ADCK1: variants seen among roughly 807,000 people sequenced by gnomAD.
ADCK1 encodes the protein aarF domain-containing protein kinase 1.
ADCK1 carries 41 observed loss-of-function variants against 52.3 expected under a neutral mutation model. The observed-to-expected ratio is 0.78, with a 90% CI of 0.61 to 1.02. The LOEUF is 1.02. Among genes scored for constraint, ADCK1 ranks in the 50% least tolerant of loss-of-function variants. The probability of loss-of-function intolerance (pLI) is 0.00; values close to 1 mark genes in which losing one functional copy is unlikely to be tolerated. For synonymous variants in ADCK1, 250 were observed against 274.6 expected, an observed-to-expected ratio of 0.91 and a Z score of 0.89; for missense variants, 658 against 679.5, an observed-to-expected ratio of 0.97 and a Z score of 0.35.
At chr14:77,926,021 C>G (rs1437151588) in intron 9 of ADCK1, 60 bp downstream of exon 9, 3 of 1,591,410 alleles carry the variant, frequency 1.9e-6, no homozygotes, top group African/African-American at 2.7e-5. Flanking sequence ...CTAGAGGTGG[C>G]CTGTGGACCC....
At chr14:77,926,017 G>A (rs1321218791) in intron 9 of ADCK1, 56 bp downstream of exon 9, 15 of 1,603,260 alleles carry the variant, frequency 9.4e-6, no homozygotes, top group Non-Finnish European at 1.3e-5. Context: ...AGGGCTAGAG[G>A]TGGCCTGTGG....
chr14:77,853,553 A>T (rs1391559862), intron 3 of ADCK1, among the ~76,000 whole-genome samples: 1 of 152,128 alleles, frequency 6.6e-6, no homozygotes, highest in African/African-American at 2.4e-5. Flanking sequence ...TTAGATGGGA[A>T]TGGAACAGTA....
At chr14:77,846,461 T>C (rs538126029) in intron 3 of ADCK1, among the ~76,000 whole-genome samples, 33 of 152,220 alleles carry the variant, frequency 2.2e-4, no homozygotes, top group Middle Eastern at 3.4e-3. Context: ...CCAGGCCTGG[T>C]GTGATGGGGC....
At chr14:77,829,878 T>C (rs1442504081) in intron 3 of ADCK1, among the ~76,000 whole-genome samples, 1 of 151,242 alleles carries the variant, frequency 6.6e-6, no homozygotes, top group Non-Finnish European at 1.5e-5. Context: ...TGGAAACATG[T>C]AGCCTTGGGG....
At chr14:77,930,630 T>TA (rs2084306569) in intron 9 of ADCK1, among the ~76,000 whole-genome samples, 1 of 152,188 alleles carries the variant, frequency 6.6e-6, no homozygotes, top group Non-Finnish European at 1.5e-5. Context: ...TCTCACCACT[T>TA]ACTAGCACTT....
At chr14:77,861,155 A>G (rs1191077383) in intron 4 of ADCK1, among the ~76,000 whole-genome samples, 3 of 152,180 alleles carry the variant, frequency 2.0e-5, no homozygotes, top group East Asian at 3.9e-4. Flanking sequence ...TGCCCCCACA[A>G]TGCTTCTTTA....
chr14:77,898,950 C>T, intron 5 of ADCK1, 150 bp from the exon 6 acceptor site: 1 of 1,013,012 alleles, frequency 9.9e-7, no homozygotes, highest in South Asian at 1.6e-5. Flanking sequence ...AGAGCAGGAG[C>T]CTACTATGTT....
At chr14:77,912,650 G>T (rs553632474) in intron 7 of ADCK1, among the ~76,000 whole-genome samples, 2 of 152,082 alleles carry the variant, frequency 1.3e-5, no homozygotes, top group Non-Finnish European at 2.9e-5. Context: ...AGTGACAGGG[G>T]CGAAAGTCTT....
intron 4 of ADCK1, among the ~76,000 whole-genome samples, chr14:77,874,134 A>G (rs1298661481): frequency 6.6e-6 from 1 of 152,188 alleles, no homozygotes; most frequent in Non-Finnish European, 1.5e-5. Flanking sequence ...CTCTTTCCAC[A>G]GTGGTACAAA....
At chr14:77,823,364 C>T (rs2081621818) in intron 3 of ADCK1, among the ~76,000 whole-genome samples, 2 of 152,104 alleles carry the variant, frequency 1.3e-5, no homozygotes, top group Admixed American at 6.6e-5. Flanking sequence ...TCAAGCTCTC[C>T]TCTGTGATGC....
chr14:77,890,085 G>A (rs2083252647), intron 5 of ADCK1, among the ~76,000 whole-genome samples: 1 of 152,220 alleles, frequency 6.6e-6, no homozygotes, highest in Non-Finnish European at 1.5e-5. Context: ...CACTATATTA[G>A]TTATCTAATG....
intron 3 of ADCK1, among the ~76,000 whole-genome samples, chr14:77,827,130 G>C (rs1188838451): frequency 6.6e-6 from 1 of 151,562 alleles, no homozygotes; most frequent in Non-Finnish European, 1.5e-5. Flanking sequence ...GAGGTGGGTG[G>C]ATCACGAGGT....
At chr14:77,854,863 T>C (rs1022346362) in intron 3 of ADCK1, among the ~76,000 whole-genome samples, 7 of 152,178 alleles carry the variant, frequency 4.6e-5, no homozygotes, top group African/African-American at 1.7e-4. Flanking sequence ...CACAGGAGTG[T>C]GCTTTTCATA....
At chr14:77,838,689 C>T (rs1313420694) in intron 3 of ADCK1, among the ~76,000 whole-genome samples, 2 of 152,230 alleles carry the variant, frequency 1.3e-5, no homozygotes, top group Non-Finnish European at 1.5e-5. Flanking sequence ...TGAGCCACTG[C>T]ACCTGCTCCC....
At chr14:77,924,951 G>A (rs2084153358) in intron 8 of ADCK1, among the ~76,000 whole-genome samples, 1 of 152,242 alleles carries the variant, frequency 6.6e-6, no homozygotes, top group African/African-American at 2.4e-5. Flanking sequence ...TACGGGGAAG[G>A]AGTAACTACA....
chr14:77,825,518 A>G (rs564271153), intron 3 of ADCK1, among the ~76,000 whole-genome samples: 182 of 152,258 alleles, frequency 1.2e-3, no homozygotes, highest in Non-Finnish European at 1.8e-3. Context: ...CCTACAAGGT[A>G]TGTTCCATGA....
At chr14:77,890,608 G>A (rs1455156972) in intron 5 of ADCK1, among the ~76,000 whole-genome samples, 1 of 152,166 alleles carries the variant, frequency 6.6e-6, no homozygotes, top group South Asian at 2.1e-4. Context: ...CAGCCGTTTT[G>A]GAAAACATAG....
At chr14:77,866,710 G>A (rs2082668433) in intron 4 of ADCK1, among the ~76,000 whole-genome samples, 1 of 152,128 alleles carries the variant, frequency 6.6e-6, no homozygotes, top group Non-Finnish European at 1.5e-5. Flanking sequence ...TGGTGGTTGT[G>A]CTGTATTTAG....
chr14:77,887,672 C>T (rs1171597698), intron 5 of ADCK1, among the ~76,000 whole-genome samples: 1 of 152,214 alleles, frequency 6.6e-6, no homozygotes, highest in Non-Finnish European at 1.5e-5. Flanking sequence ...AAATGACATA[C>T]AGATCACATA....
Sources: gnomAD v4.1 joint callset for allele counts (sites outside exome capture counted in the v4.1 genomes callset) on GRCh38, gnomAD v4.1.1 for gene constraint, MANE v1.5 for transcripts, NCBI Gene and HGNC (gene_info 2026-07-23, HGNC 2026-07-21) for gene names.